MMS19: variants seen among roughly 807,000 people sequenced by gnomAD.
MMS19 encodes MMS19 nucleotide excision repair protein homolog.
A neutral mutation model predicts 129.8 loss-of-function variants in MMS19; 77 were observed. The observed-to-expected ratio is 0.59, with a 90% CI of 0.49 to 0.72. The LOEUF (loss-of-function observed/expected upper bound fraction) is 0.72, where lower values mean the gene tolerates loss of function less well. MMS19 is among the 30% of genes least tolerant of loss of function. The pLI, the probability that MMS19 is intolerant of heterozygous loss-of-function variation, is 0.00. For missense variants in MMS19, 1,168 were observed against 1,266.3 expected (o/e 0.92, Z 1.18); for synonymous variants, 491 against 502.8 (o/e 0.98, Z 0.31).
intron 18 of MMS19, among the ~76,000 whole-genome samples, chr10:97,465,587 G>C (rs1009751506): frequency 2.0e-5 from 3 of 152,294 alleles, no homozygotes; most frequent in African/African-American, 7.2e-5. Flanking sequence ...TTACAGGCAA[G>C]AGCAGCGGCC....
Position 97,498,283 on chromosome 10 carries a change from C to G in MMS19, c.102G>C (p.Gln34His). 2 of 1,567,184 alleles carry G rather than the reference C, an allele frequency of 1.3e-6. No homozygotes were observed. The highest frequency in any genetic ancestry group is 1.7e-6 in the Non-Finnish European group (2 of 1,163,770). ...VVGQQEGPAD[Q>H]VAADVKSGNY... ...CGCCGTCTGCCGTACCTGCAGCCAC[C>G]TGGTCAGCGGGGCCCTCTTGCTGAC... Residue 34 changes from glutamine to histidine, a missense_variant, in exon 1 of 31, where the codon CAG becomes CAC. This residue lies in a region of MMS19 where 329 missense variants were observed against 328.6 expected (regional missense o/e 1.00). Transcript: ENST00000438925.
rs188793371 is a variant in MMS19, at chr10:97,489,135, C to T, written c.113-4984G>A. Among the ~76,000 whole-genome samples the T allele has an allele frequency of 2.9e-3, 434 of 152,120 alleles. 2 individuals are homozygous for T. Among genetic ancestry groups the T allele is most frequent in the Admixed American group, 5.0e-3 (77 of 15,262 alleles). ...AGATTACAGACATGAGCCAACACACCGGGCCTGTAGCTACTTTTAAAAAGA... is the reference window on the plus strand; with the variant it reads ...AGATTACAGACATGAGCCAACACACTGGGCCTGTAGCTACTTTTAAAAAGA... On this transcript the variant is annotated intron_variant, in intron 1 of 30. Transcript: ENST00000438925.
At chr10:97,468,168 C>T in intron 13 of MMS19, 84 bp downstream of exon 13, 1 of 1,378,742 alleles carries the variant, frequency 7.3e-7, no homozygotes, top group South Asian at 1.6e-5. Context: ...TATGTTGGCC[C>T]AAGCTAAAAC....
At chr10:97,462,867 C>T in intron 19 of MMS19, 185 bp from the exon 20 acceptor site, 2 of 602,948 alleles carry the variant, frequency 3.3e-6, no homozygotes, top group Non-Finnish European at 5.9e-6. Flanking sequence ...GTGGTCTGAC[C>T]TGGGGCCACA....
At chr10:97,477,998 G>T in intron 4 of MMS19, 69 bp from the exon 5 acceptor site, 10 of 1,009,546 alleles carry the variant, frequency 9.9e-6, no homozygotes, top group South Asian at 3.2e-5. Context: ...ACAACCCTAC[G>T]ACAGGCCTAA....
At chr10:97,473,225 G>A (rs763771837) in intron 8 of MMS19, among the ~76,000 whole-genome samples, 2 of 151,752 alleles carry the variant, frequency 1.3e-5, no homozygotes, top group East Asian at 1.9e-4. Flanking sequence ...TAGTAGAGAC[G>A]GGATTCCACC....
At chr10:97,477,245 A>G (rs1391763774) in intron 6 of MMS19, 102 bp downstream of exon 6, 3 of 1,589,778 alleles carry the variant, frequency 1.9e-6, no homozygotes, top group African/African-American at 2.7e-5. Context: ...CTCTCAGGAT[A>G]CCAGCTCTTC....
chr10:97,485,366 G>A (rs1422490118), intron 1 of MMS19, among the ~76,000 whole-genome samples: 1 of 151,862 alleles, frequency 6.6e-6, no homozygotes, highest in East Asian at 1.9e-4. Flanking sequence ...AGGCTGGAGT[G>A]CAATGGTATG....
chr10:97,482,739 C>CACATATAT (rs1554849552), intron 2 of MMS19, among the ~76,000 whole-genome samples: 5 of 92,978 alleles, frequency 5.4e-5, no homozygotes, highest in African/African-American at 2.5e-4. Flanking sequence ...TATATATATA[C>CACATATAT]ACACACACAC....
Position 97,461,113 on chromosome 10 carries a change from G to A in MMS19, c.2312-106C>T, listed in dbSNP as rs530683804. The A allele has an allele frequency of 1.5e-5, 14 of 930,998 alleles. No individual in the cohort carries two copies. In the Admixed American group the frequency reaches 3.7e-4, roughly 24 times the overall value. The allele number at this position is 930,998 out of a possible 1,614,324, so 57.7% of individuals were successfully genotyped here. ...GAGCTCCCTGAGAAGCTGTTAGAAA[G>A]GGAAAATATCATTTTTGCCTGTGGA... On this transcript the variant is annotated intron_variant, in intron 23 of 30. Transcript: ENST00000438925.
chr10:97,462,185 CG>C, intron 20 of MMS19, 66 bp from the exon 21 acceptor site: 1 of 1,177,202 alleles, frequency 8.5e-7, no homozygotes, highest in Non-Finnish European at 1.2e-6. Context: ...CCTCCACAGA[CG>C]TGCTTTTCAA....
intron 19 of MMS19, chr10:97,462,959 A>G (rs1027491323): frequency 8.4e-6 from 3 of 356,614 alleles, no homozygotes; most frequent in Non-Finnish European, 1.0e-5. Context: ...CATTCTTAAC[A>G]TAAGAAATAG....
At chr10:97,498,605 C>T, upstream of MMS19, 2 of 546,528 alleles carry the variant, frequency 3.7e-6, no homozygotes, top group Non-Finnish European at 6.3e-6. Context: ...CAGCCGGAGG[C>T]GATTGAGGGC....
chr10:97,498,515 T>C (rs2040238790), upstream of MMS19: 1 of 1,370,300 alleles, frequency 7.3e-7, no homozygotes. Context: ...GCCTGCCGGC[T>C]TCTGCCTAGG....
chr10:97,497,590 A>G (rs895666954), intron 1 of MMS19, among the ~76,000 whole-genome samples: 6 of 152,168 alleles, frequency 3.9e-5, no homozygotes, highest in South Asian at 2.1e-4. Flanking sequence ...TTTTATTCTA[A>G]TTTTAGATAA....
chr10:97,487,266 C>G (rs2038064274), intron 1 of MMS19, among the ~76,000 whole-genome samples: 1 of 150,876 alleles, frequency 6.6e-6, no homozygotes, highest in South Asian at 2.1e-4. Context: ...CAAACAAAAA[C>G]ATTGGCTTTA....
intron 1 of MMS19, 97 bp from the exon 2 acceptor site, chr10:97,484,248 T>C: frequency 1.2e-6 from 1 of 812,084 alleles, no homozygotes; most frequent in Non-Finnish European, 1.9e-6. Context: ...TGCCCTAGGC[T>C]TTGTACCTGG....
At chr10:97,497,696 G>C (rs1479477199) in intron 1 of MMS19, among the ~76,000 whole-genome samples, 1 of 152,190 alleles carries the variant, frequency 6.6e-6, no homozygotes. Context: ...ACGTCATGGA[G>C]CAAACTAATC....
intron 24 of MMS19, 44 bp downstream of exon 24, chr10:97,460,863 A>G (rs763612608): frequency 5.9e-6 from 9 of 1,538,052 alleles, no homozygotes; most frequent in African/African-American, 1.4e-5. Flanking sequence ...TTAACCAGAC[A>G]TAATTGCCTC....
Sources: allele counts gnomAD v4.1 joint callset (sites outside exome capture counted in the v4.1 genomes callset), GRCh38; gene constraint gnomAD v4.1.1; regional missense constraint gnomAD v4.1.1; transcripts MANE v1.5; gene names NCBI Gene and HGNC (gene_info 2026-07-23, HGNC 2026-07-21).